FOSB: variants seen among roughly 807,000 people sequenced by gnomAD.
FOSB encodes protein FosB.
Under a neutral mutation model 31.1 loss-of-function variants are expected in FOSB, and 8 were observed. That is an observed-to-expected ratio of 0.26 (90% CI 0.15 to 0.46). FOSB has a LOEUF of 0.46. Among genes scored for constraint, FOSB ranks in the 20% least tolerant of loss-of-function variants. The pLI is 0.99. For missense variants in FOSB, 376 were observed against 460.6 expected (o/e 0.82, Z 1.68); for synonymous variants, 214 against 206.1 (o/e 1.04, Z -0.33).
Position 45,468,652 on chromosome 19 carries a change from G to A in FOSB, c.66G>A (p.Glu22=). The change falls in exon 1 of 4, where the codon GAG becomes GAA. Residue 22 remains glutamate (E), a synonymous_variant. Transcript: ENST00000353609. The surrounding 1 kb of genome is among the most constrained non-coding windows in gnomAD (Gnocchi z 4.8). ...GSRCSSSPSA[E]SQYLSSVDSF... ...GGTGCAGCTCCTCACCCTCTGCCGAGTCTCAATATCTGTCTTCGGTGGACT... is the reference window on the plus strand; with the variant it reads ...GGTGCAGCTCCTCACCCTCTGCCGAATCTCAATATCTGTCTTCGGTGGACT... 1 of 1,613,740 alleles carries A rather than the reference G, an allele frequency of 6.2e-7. No individual in the cohort carries two copies. Among genetic ancestry groups the A allele is most frequent in the Non-Finnish European group, 8.5e-7 (1 of 1,179,920 alleles).
rs28381252 is a variant in FOSB, at chr19:45,473,246, T to C, written c.*234T>C. The C allele has an allele frequency of 2.4e-3, 1,185 of 485,236 alleles. 21 individuals carry two copies. The East Asian group carries it at 0.04, about 16-fold the overall frequency. The allele number at this position is 485,236 out of a possible 1,614,324, so 30.1% of individuals were successfully genotyped here. On this transcript the variant is annotated 3_prime_UTR_variant, in exon 4 of 4. Transcript: ENST00000353609. The stretch of plus-strand genomic sequence containing the variant: ...CGGCGAGGCCGGAGAGCTGGTGACT[T>C]TGGGGACAGGGGGTGGGAAGGGGAT...
At chr19:45,471,042 C>G in intron 2 of FOSB, 93 bp downstream of exon 2, 1 of 1,387,544 alleles carries the variant, frequency 7.2e-7, no homozygotes, top group African/African-American at 1.4e-5. Context: ...ACTAAGGCCT[C>G]AGTGTTACAG....
In FOSB at chr19:45,471,228, G is replaced by T. The variant is rs752395674; in HGVS notation, c.482G>T (p.Arg161Leu). The change falls in exon 3 of 4, where the codon CGC becomes CTC. Residue 161 changes from arginine to leucine, a missense_variant. Transcript: ENST00000353609. Reference protein sequence around the residue: ...TPEEEEKRRVRRERNKLAAAK... With the variant: ...TPEEEEKRRVLRERNKLAAAK... ...GAGGAAGAGGAGAAGCGAAGGGTGC[G>T]CCGGGAACGAAATAAACTAGCAGCA... is the stretch of plus-strand genomic sequence containing the variant. 3 of 1,568,354 alleles carry T rather than the reference G, an allele frequency of 1.9e-6. No homozygotes were observed. Among genetic ancestry groups the T allele is most frequent in the Non-Finnish European group, 2.6e-6 (3 of 1,156,200 alleles).
In FOSB at chr19:45,472,631, G is replaced by A. The variant is rs781723460; in HGVS notation, c.636G>A (p.Glu212=). 1.9e-6 allele frequency: 3 copies of A among 1,576,186 alleles called. No individual in the cohort carries two copies. Among genetic ancestry groups the A allele is most frequent in the East Asian group, 4.5e-5 (2 of 44,580 alleles). The change falls in exon 4 of 4, where the codon GAG becomes GAA. Residue 212 remains glutamate, a synonymous_variant. Transcript: ENST00000353609. The surrounding 1 kb of genome is among the most constrained non-coding windows in gnomAD (Gnocchi z 5.4). ...AELQKEKERL[E]FVLVAHKPGC... is the part of the protein sequence containing the mutation. ...TCCAAAAGGAGAAGGAACGTCTGGA[G>A]TTTGTGCTGGTGGCCCACAAACCGG...
At chr19:45,469,077 G>T (rs1434627356) in intron 1 of FOSB, among the ~76,000 whole-genome samples, 1 of 152,232 alleles carries the variant, frequency 6.6e-6, no homozygotes, top group Non-Finnish European at 1.5e-5. Context: ...GCAGGTGGGG[G>T]AAATCCCGGG....
Position 45,473,298 on chromosome 19 carries a change from T to G in FOSB, c.*286T>G. The G allele has an allele frequency of 4.4e-6, 1 of 225,630 alleles. No homozygotes were observed. The highest frequency in any genetic ancestry group is 8.7e-6 in the Non-Finnish European group (1 of 114,586). The allele number at this position is 225,630 out of a possible 1,614,324, so 14.0% of individuals were successfully genotyped here. On this transcript the variant is annotated 3_prime_UTR_variant, in exon 4 of 4. Coordinates refer to ENST00000353609, the MANE Select transcript of FOSB (RefSeq NM_006732.3). ...GACACCCCCAGCTGACTGTTGGCTC[T>G]CTGACGTCAACCCAAGCTCTGGGGA...
At position 45,472,701 on chromosome 19, in the gene FOSB, G is replaced by A; in HGVS notation, c.706G>A (p.Ala236Thr). Residue 236 changes from alanine (A) to threonine (T), a missense_variant, in exon 4 of 4, where the codon GCG becomes ACG. Physicochemically the swap from Ala to Thr is moderately conservative, Grantham distance 58 (BLOSUM62 0). Transcript: ENST00000353609. The surrounding 1 kb of genome is among the most constrained non-coding windows in gnomAD (Gnocchi z 5.4). ...AGAGGGGCCCGGGCCGGGCCCGCTGGCGGAGGTGAGAGATTTGCCGGGCTC... is the reference window on the plus strand; with the variant it reads ...AGAGGGGCCCGGGCCGGGCCCGCTGACGGAGGTGAGAGATTTGCCGGGCTC... Reference protein sequence around the residue: ...YEEGPGPGPLAEVRDLPGSAP... With the variant: ...YEEGPGPGPLTEVRDLPGSAP... The A allele has an allele frequency of 1.9e-6, 3 of 1,608,954 alleles. No homozygotes were observed. The highest frequency in any genetic ancestry group is 2.2e-5 in the East Asian group (1 of 44,798).
At chr19:45,469,275 G>A (rs185622092) in intron 1 of FOSB, among the ~76,000 whole-genome samples, 28 of 152,338 alleles carry the variant, frequency 1.8e-4, no homozygotes, top group African/African-American at 6.3e-4. Context: ...GTCTGACGCG[G>A]GGCACGCACG....
intron 3 of FOSB, 109 bp downstream of exon 3, chr19:45,471,410 C>T (rs2276470): frequency 0.5 from 400,817 of 799,894 alleles, 104,235 homozygotes; most frequent in African/African-American, 0.69. Flanking sequence ...CTAGACGTTC[C>T]ACACATGGAA....
chr19:45,470,583 C>T (rs776831910), intron 1 of FOSB, 46 bp from the exon 2 acceptor site: 26 of 1,533,856 alleles, frequency 1.7e-5, no homozygotes, highest in Non-Finnish European at 2.1e-5. Context: ...GTGTCGGTGT[C>T]TTTGTTTGTG....
In FOSB at chr19:45,472,327, T is replaced by C. The variant is rs146831032; in HGVS notation, c.556-224T>C. On this transcript the variant is annotated intron_variant, in intron 3 of 3. Coordinates refer to ENST00000353609, the MANE Select transcript of FOSB (RefSeq NM_006732.3). This position sits in a 1 kb window ranked among gnomAD's most constrained non-coding sequence, Gnocchi z 5.4. ...TTCCCCATAAACCTGGCCCCTTCTG[T>C]ACCATCCTTTGGACAGATGGGGGAA... 3.7e-3 allele frequency among the ~76,000 whole-genome samples: 559 copies of C among 152,240 alleles called. 3 individuals are homozygous for C. The highest frequency in any genetic ancestry group is 0.017 in the Middle Eastern group (5 of 294).
At position 45,473,138 on chromosome 19, in the gene FOSB, G is replaced by T. The variant is rs1186058398; in HGVS notation, c.*126G>T. On this transcript the variant is annotated 3_prime_UTR_variant, in exon 4 of 4. Coordinates refer to ENST00000353609, the MANE Select transcript of FOSB (RefSeq NM_006732.3). ...GGTGTGTGGCCTCCCTGGCTCCTCCGTCTGACCCTCTGCGGCCACTGCGCC... is the reference window on the plus strand; with the variant it reads ...GGTGTGTGGCCTCCCTGGCTCCTCCTTCTGACCCTCTGCGGCCACTGCGCC... 3 of 826,938 alleles carry T rather than the reference G, an allele frequency of 3.6e-6. No individual in the cohort carries two copies. The highest frequency in any genetic ancestry group is 5.7e-6 in the Non-Finnish European group (3 of 524,160). The allele number at this position is 826,938 out of a possible 1,614,324, so 51.2% of individuals were successfully genotyped here. A position where few individuals can be genotyped will look rare whatever the true frequency, so the allele number is the denominator to read the frequency against.
At chr19:45,471,335 T>C (rs2276469) in intron 3 of FOSB, 34 bp downstream of exon 3, 705,490 of 1,442,792 alleles carry the variant, frequency 0.49, 176,662 homozygotes, top group African/African-American at 0.69. Context: ...AGAGGGGATG[T>C]TGAGGGGAGC....
intron 2 of FOSB, 119 bp from the exon 3 acceptor site, chr19:45,471,075 C>T: frequency 3.8e-6 from 5 of 1,323,340 alleles, no homozygotes; most frequent in Non-Finnish European, 5.3e-6. Context: ...CCTTGCTACA[C>T]GAGCGAGGAC....
At position 45,468,621 on chromosome 19, in the gene FOSB, G is replaced by C; in HGVS notation, c.35G>C (p.Gly12Ala). The change falls in exon 1 of 4, where the codon GGC (glycine) becomes GCC (alanine). Residue 12 changes from glycine (G) to alanine (A), a missense_variant. Gly to Ala is a moderately conservative substitution (Grantham distance 60). Around this residue, in one of 3 missense-constraint regions of FOSB, gnomAD observed 193 missense variants for 207.1 expected, o/e 0.93. Coordinates refer to ENST00000353609, the MANE Select transcript of FOSB (RefSeq NM_006732.3). This position sits in a 1 kb window ranked among gnomAD's most constrained non-coding sequence, Gnocchi z 4.8. ...FQAFPGDYDS[G>A]SRCSSSPSAE... is the part of the protein sequence containing the mutation. The stretch of plus-strand genomic sequence containing the variant: ...GCTTTCCCCGGAGACTACGACTCCG[G>C]CTCCCGGTGCAGCTCCTCACCCTCT... 2 of 1,613,248 alleles carry C rather than the reference G, an allele frequency of 1.2e-6. No individual in the cohort carries two copies. Among genetic ancestry groups the C allele is most frequent in the Non-Finnish European group, 8.5e-7 (1 of 1,179,780 alleles).
At position 45,468,778 on chromosome 19, in the gene FOSB, T is replaced by A; in HGVS notation, c.126+66T>A. 1 of 1,502,014 alleles carries A rather than the reference T, an allele frequency of 6.7e-7. No individual in the cohort carries two copies. Among genetic ancestry groups the A allele is most frequent in the Non-Finnish European group, 8.9e-7 (1 of 1,122,820 alleles). 93.0% of individuals were successfully genotyped at this position (1,502,014 alleles called of 1,614,324 possible). The stretch of plus-strand genomic sequence containing the variant: ...TTTTTTAAGTCAAGGGTGAAAAGAA[T>A]AAACCCCAACCCCCACAAAAAGGCG... On this transcript the variant is annotated intron_variant, in intron 1 of 3. Coordinates refer to ENST00000353609, the MANE Select transcript of FOSB (RefSeq NM_006732.3). The surrounding 1 kb of genome is among the most constrained non-coding windows in gnomAD (Gnocchi z 4.8).
At chr19:45,470,326 A>G in intron 1 of FOSB, 1 of 387,990 alleles carries the variant, frequency 2.6e-6, no homozygotes, top group East Asian at 4.2e-5. Flanking sequence ...CCTCCTCTCC[A>G]CCCCCCATAC....
At position 45,472,883 on chromosome 19, in the gene FOSB, T is replaced by C. The variant is rs1407975973; in HGVS notation, c.888T>C (p.Val296=). The C allele has an allele frequency of 6.2e-7, 1 of 1,614,202 alleles. No individual in the cohort carries two copies. Among genetic ancestry groups the C allele is most frequent in the East Asian group, 2.2e-5 (1 of 44,882 alleles). Residue 296 remains valine, a synonymous_variant, in exon 4 of 4, where the codon GTT becomes GTC. Coordinates refer to ENST00000353609, the MANE Select transcript of FOSB (RefSeq NM_006732.3). The surrounding 1 kb of genome is among the most constrained non-coding windows in gnomAD (Gnocchi z 5.4). ...VQVLGDPFPV[V]NPSYTSSFVL... ...TCCTCGGCGACCCCTTCCCCGTTGT[T>C]AACCCTTCGTACACTTCTTCGTTTG...
rs1161849604 is a variant in FOSB at position 45,468,736 on chromosome 19, C to A, written c.126+24C>A. On this transcript the variant is annotated intron_variant, in intron 1 of 3. Transcript: ENST00000353609. The surrounding 1 kb of genome is among the most constrained non-coding windows in gnomAD (Gnocchi z 4.8). ...AGGTAAGTTTTTGATAGTAGGGGTG[C>A]TGCTTTGTAGGTTTTATTTTTTAAG... 3 of 1,582,902 alleles carry A rather than the reference C, an allele frequency of 1.9e-6. No individual in the cohort carries two copies. The highest frequency in any genetic ancestry group is 2.7e-5 in the African/African-American group (2 of 72,730).
Sources: gnomAD v4.1 joint callset for allele counts (sites outside exome capture counted in the v4.1 genomes callset) on GRCh38, gnomAD v4.1.1 for gene constraint, gnomAD v4.1.1 regional missense constraint, Gnocchi (gnomAD v3.1) non-coding constraint, MANE v1.5 for transcripts, NCBI Gene and HGNC (gene_info 2026-07-23, HGNC 2026-07-21) for gene names.